Variants in SORCS3 observed in about 807,000 individuals in gnomAD.
SORCS3 encodes the protein VPS10 domain-containing receptor SorCS3.
A neutral mutation model predicts 146.3 loss-of-function variants in SORCS3; 57 were observed. That is an observed-to-expected ratio of 0.39 (90% confidence interval 0.31 to 0.49). SORCS3 has a LOEUF of 0.49. Ranked by LOEUF, SORCS3 falls within the 20% of genes least tolerant of loss-of-function variation. SORCS3 has a pLI of 0.92. For synonymous variants in SORCS3, 653 were observed against 618.5 expected, an observed-to-expected ratio of 1.06 and a Z score of -0.83; for missense variants, 1,341 against 1,575.5, an observed-to-expected ratio of 0.85 and a Z score of 2.52.
intron 6 of SORCS3, among the ~76,000 whole-genome samples, chr10:105,098,715 A>T (rs990986400): frequency 1.3e-5 from 2 of 152,204 alleles, no homozygotes; most frequent in Non-Finnish European, 2.9e-5. Flanking sequence ...AGTTCCTAGA[A>T]CACCAAACAA....
chr10:105,242,879 AT>A (rs1278453498), intron 20 of SORCS3, among the ~76,000 whole-genome samples: 2 of 106,560 alleles, frequency 1.9e-5, no homozygotes, highest in African/African-American at 7.7e-5. Flanking sequence ...TTATATATAA[AT>A]TATATATAAT....
chr10:105,168,182 C>T (rs764688930), intron 13 of SORCS3, among the ~76,000 whole-genome samples: 21 of 151,868 alleles, frequency 1.4e-4, no homozygotes, highest in South Asian at 4.2e-4. Flanking sequence ...GATTTATAAA[C>T]GAATGAGCTA....
chr10:104,858,823 A>G (rs1439966854), intron 2 of SORCS3, among the ~76,000 whole-genome samples: 8 of 150,892 alleles, frequency 5.3e-5, no homozygotes, highest in Admixed American at 5.3e-4. Flanking sequence ...GGGTTTTTCC[A>G]TGTTAGCCAG....
At chr10:105,198,236 G>A (rs905814179) in intron 14 of SORCS3, among the ~76,000 whole-genome samples, 1 of 152,094 alleles carries the variant, frequency 6.6e-6, no homozygotes, top group Non-Finnish European at 1.5e-5. Context: ...TGAACTATGT[G>A]GAGTCAACAG....
chr10:104,909,333 G>A (rs1437575145), intron 2 of SORCS3, among the ~76,000 whole-genome samples: 1 of 152,156 alleles, frequency 6.6e-6, no homozygotes. Context: ...CATGTCAGAT[G>A]CCGTGGTTGA....
At chr10:105,212,988 T>C (rs2056642930) in intron 17 of SORCS3, among the ~76,000 whole-genome samples, 1 of 152,244 alleles carries the variant, frequency 6.6e-6, no homozygotes, top group African/African-American at 2.4e-5. Context: ...GTGATATTAA[T>C]TTTAATAATG....
At chr10:104,782,088 C>T (rs2017380426) in intron 1 of SORCS3, among the ~76,000 whole-genome samples, 1 of 152,222 alleles carries the variant, frequency 6.6e-6, no homozygotes, top group Admixed American at 6.5e-5. Context: ...TCCTCCACAC[C>T]TAATAACTTG....
chr10:105,042,745 G>A (rs1470512329), intron 4 of SORCS3, among the ~76,000 whole-genome samples: 1 of 152,102 alleles, frequency 6.6e-6, no homozygotes, highest in African/African-American at 2.4e-5. Flanking sequence ...TTTATATGTA[G>A]TCTTATTTTT....
chr10:104,736,545 G>C (rs1024187698), intron 1 of SORCS3, among the ~76,000 whole-genome samples: 1 of 152,112 alleles, frequency 6.6e-6, no homozygotes, highest in South Asian at 2.1e-4. Flanking sequence ...GAATTTAACC[G>C]TCATGGTTTT....
chr10:104,716,214 A>T (rs1265685980), intron 1 of SORCS3, among the ~76,000 whole-genome samples: 1 of 151,934 alleles, frequency 6.6e-6, no homozygotes, highest in Admixed American at 6.6e-5. Flanking sequence ...TTATGTATTG[A>T]TTATCTTTCC....
At chr10:104,827,123 G>T (rs1004080837) in intron 1 of SORCS3, among the ~76,000 whole-genome samples, 1 of 152,166 alleles carries the variant, frequency 6.6e-6, no homozygotes, top group Non-Finnish European at 1.5e-5. Flanking sequence ...TATGAGAGTT[G>T]AAATCAATCT....
At chr10:104,918,825 C>T (rs1165191799) in intron 3 of SORCS3, among the ~76,000 whole-genome samples, 1 of 152,162 alleles carries the variant, frequency 6.6e-6, no homozygotes, top group African/African-American at 2.4e-5. Context: ...CAGAATTAAT[C>T]GTATTTTCAT....
intron 2 of SORCS3, among the ~76,000 whole-genome samples, chr10:104,892,734 T>A (rs944636453): frequency 6.0e-5 from 9 of 150,888 alleles, no homozygotes; most frequent in African/African-American, 9.8e-5. Flanking sequence ...AAAAAAAAAA[T>A]TTTTTTTTCT....
chr10:104,875,135 A>G (rs1427196740), intron 2 of SORCS3, among the ~76,000 whole-genome samples: 1 of 152,220 alleles, frequency 6.6e-6, no homozygotes, highest in Non-Finnish European at 1.5e-5. Context: ...AAAGAAAGGA[A>G]TCAAGCCTTC....
chr10:104,903,320 A>C (rs1406186958), intron 2 of SORCS3, among the ~76,000 whole-genome samples: 3 of 152,168 alleles, frequency 2.0e-5, no homozygotes, highest in Non-Finnish European at 4.4e-5. Context: ...ACAGAGTCTA[A>C]GTGTCTGCCA....
At chr10:104,704,165 A>G (rs2016310915) in intron 1 of SORCS3, among the ~76,000 whole-genome samples, 1 of 112,898 alleles carries the variant, frequency 8.9e-6, no homozygotes, top group African/African-American at 3.3e-5. Flanking sequence ...GTTTCCTTCT[A>G]TGACTTTTTT....
chr10:104,751,966 T>TATATATATATATAA (rs1385185892), intron 1 of SORCS3, among the ~76,000 whole-genome samples: 1 of 109,596 alleles, frequency 9.1e-6, no homozygotes, highest in African/African-American at 3.9e-5. Flanking sequence ...TATATATATA[T>TATATATATATATAA]ATAATAGTTT....
At chr10:104,668,176 T>C (rs1258092482) in intron 1 of SORCS3, among the ~76,000 whole-genome samples, 1 of 152,204 alleles carries the variant, frequency 6.6e-6, no homozygotes, top group Admixed American at 6.5e-5. Context: ...CGCGCATGTG[T>C]GTGCACGCGC....
At chr10:104,954,718 G>C (rs2019468771) in intron 3 of SORCS3, among the ~76,000 whole-genome samples, 1 of 152,208 alleles carries the variant, frequency 6.6e-6, no homozygotes, top group Admixed American at 6.5e-5. Flanking sequence ...CTAGCCAGTA[G>C]CTGGCTATGG....
Sources: gnomAD v4.1 joint callset for allele counts (sites outside exome capture counted in the v4.1 genomes callset) on GRCh38, gnomAD v4.1.1 for gene constraint, MANE v1.5 for transcripts, NCBI Gene and HGNC (gene_info 2026-07-23, HGNC 2026-07-21) for gene names.